Variants in PPP2R1B observed in about 807,000 individuals in gnomAD.
PPP2R1B encodes the protein serine/threonine-protein phosphatase 2A 65 kDa regulatory subunit A beta isoform.
A neutral mutation model predicts 72.7 loss-of-function variants in PPP2R1B; 58 were observed. The observed-to-expected ratio is 0.80, with a 90% CI of 0.65 to 0.99. PPP2R1B has a LOEUF of 0.99. PPP2R1B is among the 50% of genes least tolerant of loss of function. The pLI, the probability that PPP2R1B is intolerant of heterozygous loss-of-function variation, is 0.00. For missense variants in PPP2R1B, 695 were observed against 733.6 expected, an observed-to-expected ratio of 0.95 and a Z score of 0.61; for synonymous variants, 256 against 264.6, an observed-to-expected ratio of 0.97 and a Z score of 0.32.
chr11:111,725,784 C>A (rs779933093), downstream of PPP2R1B: 4 of 152,654 alleles, frequency 2.6e-5, no homozygotes, highest in Non-Finnish European at 5.9e-5. Context: ...CTACCAACGT[C>A]GGTAACTTGA....
At chr11:111,692,716 A>T in the PPP2R1B span, among the ~76,000 whole-genome samples, 2 of 152,192 alleles carry the variant, frequency 1.3e-5, no homozygotes, top group Non-Finnish European at 2.9e-5. Flanking sequence ...AGAACTCTTA[A>T]ATCTTAATGG....
intron 10 of PPP2R1B, among the ~76,000 whole-genome samples, chr11:111,751,090 C>A (rs1392983374): frequency 2.0e-5 from 3 of 152,164 alleles, no homozygotes; most frequent in African/African-American, 7.2e-5. Context: ...TCGCCTGCCT[C>A]TGGCTCCCAA....
chr11:111,715,423 C>T, the PPP2R1B span, among the ~76,000 whole-genome samples: 9 of 152,170 alleles, frequency 5.9e-5, no homozygotes, highest in Admixed American at 5.2e-4. Flanking sequence ...TTCATTGCTG[C>T]ATGTATTGAT....
At chr11:111,763,629 A>G (rs1471768524) in intron 3 of PPP2R1B, among the ~76,000 whole-genome samples, 1 of 152,178 alleles carries the variant, frequency 6.6e-6, no homozygotes, top group Non-Finnish European at 1.5e-5. Flanking sequence ...AATGGATTAG[A>G]TGTGTGGAAC....
chr11:111,714,027 G>A, the PPP2R1B span, among the ~76,000 whole-genome samples: 9 of 152,306 alleles, frequency 5.9e-5, no homozygotes, highest in African/African-American at 2.2e-4. Flanking sequence ...GAACGAGGCA[G>A]GGGAAGTTGC....
In PPP2R1B at chr11:111,740,864, T is replaced by G. The variant is rs1232384927; in HGVS notation, c.*732A>C. 3.2e-5 allele frequency: 32 copies of G among 985,344 alleles called. No homozygotes were observed. The highest frequency in any genetic ancestry group is 3.0e-5 in the Non-Finnish European group (25 of 829,952). 61.0% of individuals were successfully genotyped at this position (985,344 alleles called of 1,614,324 possible). On this transcript the variant is annotated 3_prime_UTR_variant, in exon 15 of 15. Coordinates refer to ENST00000527614, the MANE Select transcript of PPP2R1B (RefSeq NM_002716.5). Reference sequence around the variant, plus strand: ...AGGAGGCACTACAGTTAAAGCTTTTTAGAAAAGAGAGAGAAGTATTTTTAA... The same window carrying G: ...AGGAGGCACTACAGTTAAAGCTTTTGAGAAAAGAGAGAGAAGTATTTTTAA...
intron 12 of PPP2R1B, 33 bp from the exon 13 acceptor site, chr11:111,742,698 T>A (rs1212916887): frequency 6.5e-7 from 1 of 1,532,518 alleles, no homozygotes; most frequent in Non-Finnish European, 8.8e-7. Flanking sequence ...ACATTTAAAA[T>A]ACTTTAAAAA....
At chr11:111,733,218 G>A (rs1471988975), downstream of PPP2R1B, among the ~76,000 whole-genome samples, 3 of 152,160 alleles carry the variant, frequency 2.0e-5, no homozygotes, top group South Asian at 2.1e-4. Context: ...TGTTTCTGGG[G>A]GGATTTCCTA....
At chr11:111,731,446 C>A (rs895561017) in intron 15 of PPP2R1B, among the ~76,000 whole-genome samples, 1 of 152,282 alleles carries the variant, frequency 6.6e-6, no homozygotes, top group Non-Finnish European at 1.5e-5. Flanking sequence ...TCCACGCCCT[C>A]AGGGTGCTGG....
At chr11:111,761,717 G>A (rs1945335725) in intron 3 of PPP2R1B, among the ~76,000 whole-genome samples, 2 of 152,166 alleles carry the variant, frequency 1.3e-5, no homozygotes, top group Non-Finnish European at 2.9e-5. Context: ...CCCAGCCGTC[G>A]GGAGGCCGAG....
chr11:111,693,203 A>G, the PPP2R1B span, among the ~76,000 whole-genome samples: 1 of 152,050 alleles, frequency 6.6e-6, no homozygotes, highest in Non-Finnish European at 1.5e-5. Flanking sequence ...ATGGTGGTGC[A>G]TGCCTGTAAT....
downstream of PPP2R1B, chr11:111,724,254 C>A: frequency 7.5e-7 from 1 of 1,335,930 alleles, no homozygotes; most frequent in Non-Finnish European, 1.0e-6. Flanking sequence ...TCGAGCCACC[C>A]AACTGGAATC....
the PPP2R1B span, among the ~76,000 whole-genome samples, chr11:111,698,512 C>T: frequency 8.4e-4 from 128 of 152,284 alleles, no homozygotes; most frequent in African/African-American, 2.7e-3. Context: ...GAGGCCACAG[C>T]GGGTGGATTG....
Position 111,741,315 on chromosome 11 carries a change from G to A in PPP2R1B, c.*281C>T, listed in dbSNP as rs986420533. 3.3e-6 allele frequency: 4 copies of A among 1,226,610 alleles called. No individual in the cohort carries two copies. The African/African-American group carries it at 6.3e-5, about 19-fold the overall frequency. The allele number at this position is 1,226,610 out of a possible 1,614,324, so 76.0% of individuals were successfully genotyped here. ...GCCTGATTCCACAGTGAGGATGCAG[G>A]AGCCCAGGTGGTGATGGATAAAGCA... On this transcript the variant is annotated 3_prime_UTR_variant, in exon 15 of 15. Transcript: ENST00000527614.
chr11:111,701,964 C>T, the PPP2R1B span, among the ~76,000 whole-genome samples: 1 of 152,154 alleles, frequency 6.6e-6, no homozygotes, highest in Non-Finnish European at 1.5e-5. The surrounding 1 kb of genome is among the most constrained non-coding windows in gnomAD (Gnocchi z 4.2). Flanking sequence ...CAAAACTCTG[C>T]TAAATTCAGA....
intron 11 of PPP2R1B, among the ~76,000 whole-genome samples, chr11:111,746,067 T>A (rs1002798166): frequency 5.3e-5 from 8 of 152,222 alleles, no homozygotes; most frequent in African/African-American, 1.9e-4. Context: ...GAAGGAGTAA[T>A]CAAGTTGCAT....
chr11:111,716,817 C>A, the PPP2R1B span, among the ~76,000 whole-genome samples: 2 of 152,124 alleles, frequency 1.3e-5, no homozygotes, highest in African/African-American at 4.8e-5. Context: ...AAAAAAAGAA[C>A]CTGCATGAAA....
chr11:111,752,300 A>G lies in PPP2R1B; in HGVS notation c.1197T>C (p.Asn399=). 1 of 1,613,058 alleles carries G rather than the reference A, an allele frequency of 6.2e-7. No homozygotes were observed. The highest frequency in any genetic ancestry group is 8.5e-7 in the Non-Finnish European group (1 of 1,179,608). The change falls in exon 10 of 15, where the codon AAT becomes AAC. Residue 399 remains asparagine (N), a synonymous_variant. Coordinates refer to ENST00000527614, the MANE Select transcript of PPP2R1B (RefSeq NM_002716.5). ...CPDVRLNIIS[N]LDCVNEVIGI... ...CAATCACTTCATTTACACAATCCAA[A>G]TTGGAGATGATATTCAAACGAACGT...
At chr11:111,707,065 T>G in the PPP2R1B span, among the ~76,000 whole-genome samples, 1 of 152,008 alleles carries the variant, frequency 6.6e-6, no homozygotes, top group Admixed American at 6.6e-5. Flanking sequence ...TTGGAAATCT[T>G]CGAAGTTGAA....
Sources: allele counts gnomAD v4.1 joint callset (sites outside exome capture counted in the v4.1 genomes callset), GRCh38; gene constraint gnomAD v4.1.1; non-coding constraint Gnocchi (gnomAD v3.1); transcripts MANE v1.5; gene names NCBI Gene and HGNC (gene_info 2026-07-23, HGNC 2026-07-21).